The following SCARB2 variants were observed in gnomAD, a reference collection of about 807,000 sequenced individuals.
The protein encoded by SCARB2 is scavenger receptor class B member 2.
SCARB2 carries 29 observed loss-of-function variants against 58.6 expected under a neutral mutation model. The ratio of observed to expected loss-of-function variants is 0.49; its 90% CI spans 0.37 to 0.67. The LOEUF (loss-of-function observed/expected upper bound fraction) is 0.67, where lower values mean the gene tolerates loss of function less well. Among genes scored for constraint, SCARB2 ranks in the 30% least tolerant of loss-of-function variants. The pLI is 0.00. For synonymous variants in SCARB2, 195 were observed against 210.1 expected (o/e 0.93, Z 0.62); for missense variants, 488 against 578.5 (o/e 0.84, Z 1.60).
intron 8 of SCARB2, among the ~76,000 whole-genome samples, chr4:76,169,578 T>G (rs1732086368): frequency 6.6e-6 from 1 of 152,228 alleles, no homozygotes; most frequent in Non-Finnish European, 1.5e-5. Flanking sequence ...ATCAGAAGAT[T>G]GACCAGGTTA....
upstream of SCARB2, chr4:76,213,933 A>C (rs879261008): frequency 5.9e-6 from 1 of 169,400 alleles, no homozygotes. Context: ...GGCCGCAGTC[A>C]TGTGCCCTGC....
At chr4:76,199,745 G>A (rs17001636) in intron 1 of SCARB2, among the ~76,000 whole-genome samples, 3,261 of 152,244 alleles carry the variant, frequency 0.021, 126 homozygotes, top group African/African-American at 0.074. Flanking sequence ...AAGGAAACTA[G>A]GGCAGCTGCG....
chr4:76,221,640 G>A (rs977154109), intron 1 of SCARB2, among the ~76,000 whole-genome samples: 4 of 152,054 alleles, frequency 2.6e-5, no homozygotes, highest in East Asian at 3.9e-4. Context: ...TATTTCAAGC[G>A]AACTACTGCA....
At chr4:76,171,856 G>C (rs1732134645) in intron 7 of SCARB2, among the ~76,000 whole-genome samples, 1 of 152,026 alleles carries the variant, frequency 6.6e-6, no homozygotes, top group African/African-American at 2.4e-5. Flanking sequence ...CAAATACCTA[G>C]ACGCCATCTT....
intron 2 of SCARB2, chr4:76,192,749 G>C (rs995708976): frequency 2.6e-5 from 4 of 152,166 alleles, no homozygotes; most frequent in African/African-American, 7.2e-5. Flanking sequence ...ATACTTGGGA[G>C]GCTGAGGCAG....
intron 1 of SCARB2, 131 bp downstream of exon 1, chr4:76,213,296 A>T: frequency 1.4e-6 from 1 of 727,066 alleles, no homozygotes; most frequent in Non-Finnish European, 2.5e-6. Flanking sequence ...CCTGGAAGAC[A>T]GGGACGCAAG....
intron 8 of SCARB2, 87 bp downstream of exon 8, chr4:76,169,780 T>C (rs1260453799): frequency 3.6e-6 from 4 of 1,114,410 alleles, no homozygotes; most frequent in Admixed American, 1.7e-5. Context: ...AAGGATATTT[T>C]TAAAGAAGGC....
At chr4:76,233,117 T>C (rs1733521118) in intron 1 of SCARB2, among the ~76,000 whole-genome samples, 1 of 152,238 alleles carries the variant, frequency 6.6e-6, no homozygotes, top group Non-Finnish European at 1.5e-5. Context: ...CTTACACACC[T>C]TGCATGTAAA....
chr4:76,226,275 G>A (rs557409051), intron 1 of SCARB2, among the ~76,000 whole-genome samples: 1 of 152,280 alleles, frequency 6.6e-6, no homozygotes, highest in East Asian at 1.9e-4. Context: ...GGGTAAACAG[G>A]TGAGGACATG....
chr4:76,208,526 T>C (rs1347511211), intron 1 of SCARB2, among the ~76,000 whole-genome samples: 1 of 152,144 alleles, frequency 6.6e-6, no homozygotes, highest in Non-Finnish European at 1.5e-5. Context: ...AAAGTCACAC[T>C]GAGGCGGGGC....
intron 2 of SCARB2, among the ~76,000 whole-genome samples, chr4:76,190,973 A>G (rs978448628): frequency 5.3e-5 from 8 of 152,240 alleles, no homozygotes; most frequent in Admixed American, 4.6e-4. Flanking sequence ...AAAAGATTGT[A>G]AAGTATCTCA....
rs1374806228 is a variant in SCARB2, at chr4:76,161,421, C to A, written c.*292G>T. 6.4e-6 allele frequency: 3 copies of A among 470,332 alleles called. No individual in the cohort carries two copies. Among genetic ancestry groups the A allele is most frequent in the African/African-American group, 2.0e-5 (1 of 51,064 alleles). The allele number at this position is 470,332 out of a possible 1,614,324, so 29.1% of individuals were successfully genotyped here. A position where few individuals can be genotyped will look rare whatever the true frequency, so the allele number is the denominator to read the frequency against. ...TACCCACAATAGTGGTCACAAAATT[C>A]TGGAGCTACCAGCACCCAACAACAA... is the stretch of plus-strand genomic sequence containing the variant. On this transcript the variant is annotated 3_prime_UTR_variant, in exon 12 of 12. Coordinates refer to ENST00000264896, the MANE Select transcript of SCARB2 (RefSeq NM_005506.4).
At chr4:76,221,631 A>G (rs991757796) in intron 1 of SCARB2, among the ~76,000 whole-genome samples, 1 of 152,134 alleles carries the variant, frequency 6.6e-6, no homozygotes, top group Non-Finnish European at 1.5e-5. Context: ...ATTCCCCATT[A>G]TTTCAAGCGA....
At chr4:76,214,218 GT>G, upstream of SCARB2, 2 of 454,472 alleles carry the variant, frequency 4.4e-6, no homozygotes, top group South Asian at 3.1e-5. Flanking sequence ...CGGGGACACC[GT>G]TACCGCAATT....
intron 2 of SCARB2, among the ~76,000 whole-genome samples, chr4:76,189,677 G>A (rs111935722): frequency 1.7e-4 from 26 of 151,806 alleles, no homozygotes; most frequent in African/African-American, 6.0e-4. Context: ...TCATTATGTT[G>A]GCCACATTGG....
At chr4:76,196,452 G>C (rs954533739) in intron 1 of SCARB2, among the ~76,000 whole-genome samples, 1 of 152,148 alleles carries the variant, frequency 6.6e-6, no homozygotes, top group Non-Finnish European at 1.5e-5. Flanking sequence ...CAAAACCTAG[G>C]GCACAGATTG....
rs758419552 is a variant in SCARB2, at chr4:76,161,750, C to T, written c.1400G>A (p.Gly467Glu). The stretch of plus-strand genomic sequence containing the variant: ...GAGGGGTGCTCTTTCATCCGCTGTT[C>T]CCTGAAACACAGAAGAGAGAAAACA... ...ACKGQGSMDEGTADERAPLIR... is the reference protein window; with the variant it reads ...ACKGQGSMDEETADERAPLIR... The change falls in exon 12 of 12, where the codon GGA (glycine) becomes GAA (glutamate). Residue 467 changes from glycine (G) to glutamate (E), a missense_variant and splice_region_variant. Physicochemically the swap from Gly to Glu is moderately conservative, Grantham distance 98. Transcript: ENST00000264896. The T allele has an allele frequency of 6.2e-7, 1 of 1,614,146 alleles. No homozygotes were observed. The highest frequency in any genetic ancestry group is 1.7e-5 in the Admixed American group (1 of 60,022).
intron 1 of SCARB2, among the ~76,000 whole-genome samples, chr4:76,204,297 T>A (rs562791119): frequency 3.2e-4 from 48 of 152,340 alleles, no homozygotes; most frequent in African/African-American, 1.2e-3. Context: ...CTGACCTTAT[T>A]TTAACTCAGT....
chr4:76,166,026 T>C (rs778089440), intron 10 of SCARB2: 4 of 612,614 alleles, frequency 6.5e-6, no homozygotes, highest in South Asian at 1.9e-5. Context: ...TTTGCCCAAA[T>C]AGTGTTCTTG....
Sources: gnomAD v4.1 joint callset for allele counts (sites outside exome capture counted in the v4.1 genomes callset) on GRCh38, gnomAD v4.1.1 for gene constraint, MANE v1.5 for transcripts, NCBI Gene and HGNC (gene_info 2026-07-23, HGNC 2026-07-21) for gene names.